CRLF3: variants seen among roughly 807,000 people sequenced by gnomAD.
CRLF3 encodes cytokine receptor like factor 3, also known as cytokine receptor-like factor 3.
In CRLF3, 33 loss-of-function variants were observed where a neutral mutation model predicts 55.0. That is an observed-to-expected ratio of 0.60 (90% CI 0.46 to 0.80). The LOEUF (loss-of-function observed/expected upper bound fraction) is 0.80. Ranked by LOEUF, CRLF3 falls within the 30% of genes least tolerant of loss-of-function variation. CRLF3 has a pLI of 0.00. For missense variants in CRLF3, 494 were observed against 538.4 expected, an observed-to-expected ratio of 0.92 and a Z score of 0.82; for synonymous variants, 238 against 196.8, an observed-to-expected ratio of 1.21 and a Z score of -1.75.
chr17:30,821,857 T>A (rs977623654), intron 1 of CRLF3, among the ~76,000 whole-genome samples: 2 of 151,944 alleles, frequency 1.3e-5, no homozygotes, highest in African/African-American at 4.8e-5. Context: ...TCTATGAATA[T>A]ACTAAAAACC....
In CRLF3 at chr17:30,803,923, A is replaced by T; in HGVS notation, c.315T>A (p.Thr105=). The T allele has an allele frequency of 6.2e-7, 1 of 1,612,082 alleles. No homozygotes were observed. The highest frequency in any genetic ancestry group is 1.1e-5 in the South Asian group (1 of 91,000). ...CACCTTCTCGGACTAAGTCCTCTGC[A>T]GTGTTGACTCCGTGTTCTATGAGCT... The part of the protein sequence containing the change: ...CQKLIEHGVN[T]AEDLVREGEI... Residue 105 remains threonine, a synonymous_variant, in exon 2 of 8, where the codon ACT becomes ACA. Transcript: ENST00000324238.
At chr17:30,823,377 TTATA>T (rs1187592602) in intron 1 of CRLF3, among the ~76,000 whole-genome samples, 1 of 151,704 alleles carries the variant, frequency 6.6e-6, no homozygotes, top group African/African-American at 2.4e-5. Flanking sequence ...AAAAAACAGA[TTATA>T]TATATACATA....
Position 30,804,014 on chromosome 17 carries a change from A to G in CRLF3, c.224T>C (p.Val75Ala). Residue 75 changes from valine to alanine, a missense_variant, in exon 2 of 8, where the codon GTG (valine) becomes GCG (alanine). Physicochemically the swap from Val to Ala is moderately conservative, Grantham distance 64 (BLOSUM62 0). Transcript: ENST00000324238. ...TLGKLLDERL[V>A]TLLQEVDTIE... ...GGTGTCCACCTCTTGCAAAAGGGTC[A>G]CCAATCGCTCATCCAGGAGCTTTCC... 3 of 1,613,352 alleles carry G rather than the reference A, an allele frequency of 1.9e-6. No individual in the cohort carries two copies. The highest frequency in any genetic ancestry group is 1.7e-6 in the Non-Finnish European group (2 of 1,179,876).
At position 30,819,338 on chromosome 17, in the gene CRLF3, A is replaced by T. The variant is rs73271861; in HGVS notation, c.129+5185T>A. Among the ~76,000 whole-genome samples the T allele has an allele frequency of 2.5e-3, 383 of 152,280 alleles. 3 individuals are homozygous for T. The highest frequency in any genetic ancestry group is 8.3e-3 in the African/African-American group (344 of 41,560). ...TACCTCAACTAATTCCCCTTTGATA[A>T]TGTACCAAGATGAAGTTTTTGGACT... is the stretch of plus-strand genomic sequence containing the variant. On this transcript the variant is annotated intron_variant, in intron 1 of 7. Coordinates refer to ENST00000324238, the MANE Select transcript of CRLF3 (RefSeq NM_015986.4).
At chr17:30,806,662 C>A (rs1004984791) in intron 1 of CRLF3, among the ~76,000 whole-genome samples, 17 of 152,078 alleles carry the variant, frequency 1.1e-4, no homozygotes, top group African/African-American at 3.9e-4. Flanking sequence ...GATTTTTCTT[C>A]TTTTATTTCA....
chr17:30,800,475 A>G (rs947532416), intron 2 of CRLF3, among the ~76,000 whole-genome samples: 1 of 152,060 alleles, frequency 6.6e-6, no homozygotes, highest in African/African-American at 2.4e-5. Flanking sequence ...CAGCACCACT[A>G]TTTATTCAGA....
In CRLF3 at chr17:30,786,401, G is replaced by A. The variant is rs372024456; in HGVS notation, c.960-370C>T. On this transcript the variant is annotated intron_variant, in intron 6 of 7. Transcript: ENST00000324238. ...TTACAGGTGCCCGCCACCATACCCGGCTAAGTTTTCTATTTTTAATAGAGA... is the reference window on the plus strand; with the variant it reads ...TTACAGGTGCCCGCCACCATACCCGACTAAGTTTTCTATTTTTAATAGAGA... The A allele has an allele frequency of 5.3e-4, 85 of 159,790 alleles. No individual in the cohort carries two copies. The Middle Eastern group carries it at 9.8e-3, about 18-fold the overall frequency. The allele number at this position is 159,790 out of a possible 1,614,324, so 9.9% of individuals were successfully genotyped here.
Position 30,796,343 on chromosome 17 carries a change from G to A in CRLF3, c.426-6C>T, listed in dbSNP as rs1360075088. The A allele has an allele frequency of 6.2e-7, 1 of 1,610,876 alleles. No individual in the cohort carries two copies. Among genetic ancestry groups the A allele is most frequent in the Non-Finnish European group, 8.5e-7 (1 of 1,178,202 alleles). ...GTAAAGGTACTTCTGGTAAGCTGAG[G>A]AAACAAAGCTCATGTGTTATGAGAC... On this transcript the variant is annotated splice_region_variant and splice_polypyrimidine_tract_variant and intron_variant, in intron 3 of 7. Coordinates refer to ENST00000324238, the MANE Select transcript of CRLF3 (RefSeq NM_015986.4).
chr17:30,789,263 G>GTGTCT (rs1452564013), intron 6 of CRLF3, among the ~76,000 whole-genome samples: 7 of 152,162 alleles, frequency 4.6e-5, no homozygotes, highest in African/African-American at 7.2e-5. Context: ...GAGACCTAAT[G>GTGTCT]TGTCTTTCAC....
chr17:30,786,601 A>G (rs1220899802), intron 6 of CRLF3: 1 of 152,270 alleles, frequency 6.6e-6, no homozygotes, highest in African/African-American at 2.4e-5. Context: ...AAAGAAAAAA[A>G]GATTAAAAAT....
At chr17:30,817,784 T>C (rs1303575852) in intron 1 of CRLF3, among the ~76,000 whole-genome samples, 1 of 150,028 alleles carries the variant, frequency 6.7e-6, no homozygotes, top group Non-Finnish European at 1.5e-5. Flanking sequence ...CAGGCGCCTG[T>C]AGTCCCAGCT....
chr17:30,817,904 C>CAAA (rs924297403), intron 1 of CRLF3, among the ~76,000 whole-genome samples: 3 of 61,308 alleles, frequency 4.9e-5, no homozygotes, highest in Admixed American at 2.0e-4. Context: ...GACTCCATCC[C>CAAA]AAAAAAAAAA....
Position 30,800,249 on chromosome 17 carries a change from C to A in CRLF3, c.338-2851G>T, listed in dbSNP as rs147631288. Among the ~76,000 whole-genome samples the A allele has an allele frequency of 2.9e-3, 439 of 152,294 alleles. 3 individuals carry two copies. Among genetic ancestry groups the A allele is most frequent in the African/African-American group, 9.6e-3 (399 of 41,550 alleles). Reference sequence around the variant, plus strand: ...TAATCTCTTTCATCTGCTCTTCTCACATTACACGGTGTCCCTTGATGATTG... The same window carrying A: ...TAATCTCTTTCATCTGCTCTTCTCAAATTACACGGTGTCCCTTGATGATTG... On this transcript the variant is annotated intron_variant, in intron 2 of 7. Coordinates refer to ENST00000324238, the MANE Select transcript of CRLF3 (RefSeq NM_015986.4).
chr17:30,806,767 G>A (rs1597926619), intron 1 of CRLF3, among the ~76,000 whole-genome samples: 2 of 152,094 alleles, frequency 1.3e-5, no homozygotes, highest in Middle Eastern at 3.2e-3. Flanking sequence ...CTGAGTAGCT[G>A]AGCTTATAGG....
chr17:30,799,453 G>A (rs1971971289), intron 2 of CRLF3, among the ~76,000 whole-genome samples: 1 of 151,866 alleles, frequency 6.6e-6, no homozygotes, highest in African/African-American at 2.4e-5. Context: ...CAAACTCTGG[G>A]GCTCAGGGGA....
chr17:30,795,036 A>G (rs1457777934), intron 4 of CRLF3, among the ~76,000 whole-genome samples: 2 of 152,184 alleles, frequency 1.3e-5, no homozygotes, highest in Non-Finnish European at 2.9e-5. Flanking sequence ...AACTTCACAT[A>G]TGTCCATAAA....
At chr17:30,810,666 A>G (rs1338823256) in intron 1 of CRLF3, among the ~76,000 whole-genome samples, 2 of 152,218 alleles carry the variant, frequency 1.3e-5, no homozygotes, top group Non-Finnish European at 2.9e-5. Context: ...CATGATTAAG[A>G]GCTCACAAAA....
rs899796359 is a variant in CRLF3, at chr17:30,782,841, CAAAT to C, written c.*1342_*1345del. 9 of 151,940 alleles carry C rather than the reference CAAAT, an allele frequency of 5.9e-5. No individual in the cohort carries two copies. Among genetic ancestry groups the C allele is most frequent in the East Asian group, 1.9e-4 (1 of 5,196 alleles). 9.4% of individuals were successfully genotyped at this position (151,940 alleles called of 1,614,324 possible). ...TTGTCTAACAGGGAACATGAATCCC[CAAAT>C]AAATTATCTTACAAAAATATCATAC... On this transcript the variant is annotated 3_prime_UTR_variant, in exon 8 of 8. Transcript: ENST00000324238.
rs575383985 is a variant in CRLF3, at chr17:30,788,369, T to A, written c.960-2338A>T. On this transcript the variant is annotated intron_variant, in intron 6 of 7. Transcript: ENST00000324238. The stretch of plus-strand genomic sequence containing the variant: ...GAAAAGAAAAGAAAGAAGGAAACCT[T>A]AAAAAAAATCAGAAAATCTTAGAAG... 8.5e-3 allele frequency among the ~76,000 whole-genome samples: 1,260 copies of A among 148,990 alleles called. 21 individuals are homozygous for A. Among genetic ancestry groups the A allele is most frequent in the African/African-American group, 0.029 (1,187 of 40,472 alleles).
Sources: allele counts gnomAD v4.1 joint callset (sites outside exome capture counted in the v4.1 genomes callset), GRCh38; gene constraint gnomAD v4.1.1; transcripts MANE v1.5; gene names NCBI Gene and HGNC (gene_info 2026-07-23, HGNC 2026-07-21).